RBFOX1: variants seen among roughly 807,000 people sequenced by gnomAD.
The protein encoded by RBFOX1 is RNA binding fox-1 homolog 1, also known as RNA binding protein fox-1 homolog 1.
A neutral mutation model predicts 57.7 loss-of-function variants in RBFOX1; 8 were observed. The ratio of observed to expected loss-of-function variants is 0.14; its 90% CI spans 0.08 to 0.25. The LOEUF (loss-of-function observed/expected upper bound fraction) is 0.25, where lower values mean the gene tolerates loss of function less well. RBFOX1 is among the 10% of genes least tolerant of loss of function. RBFOX1 has a pLI of 1.00. For missense variants in RBFOX1, 611 were observed against 548.5 expected, an observed-to-expected ratio of 1.11 and a Z score of -1.14; for synonymous variants, 326 against 222.4, an observed-to-expected ratio of 1.47 and a Z score of -4.15.
chr16:6,439,600 C>G (rs1033128572), intron 2 of RBFOX1, among the ~76,000 whole-genome samples: 2 of 152,136 alleles, frequency 1.3e-5, no homozygotes, highest in African/African-American at 4.8e-5. Flanking sequence ...TATACCCTTC[C>G]TGATTTCTTG....
rs530974417 is a variant in RBFOX1 at position 5,352,737 on chromosome 16, G to T, written c.219+112632G>T. On this transcript the variant is annotated intron_variant, in intron 1 of 2. Transcript: ENST00000585867. The stretch of plus-strand genomic sequence containing the variant: ...GTGGGGGGATTGCTTGAGCCCAGGA[G>T]TTTAAAATCAGCCTGGGCAACATGG... 2.0e-5 allele frequency among the ~76,000 whole-genome samples: 3 copies of T among 152,248 alleles called. 1 individual carries two copies. The South Asian group carries it at 6.2e-4, about 32-fold the overall frequency.
chr16:5,457,217 A>T lies in RBFOX1; in HGVS notation c.220-9999A>T, dbSNP rs142454895. On this transcript the variant is annotated intron_variant, in intron 1 of 2. Coordinates refer to the RBFOX1 transcript ENST00000585867. ...AGTGACATGATCTTGGCTCACTGCAACCTCTACCTCCCGGGTTCAAGATCC... is the reference window on the plus strand; with the variant it reads ...AGTGACATGATCTTGGCTCACTGCATCCTCTACCTCCCGGGTTCAAGATCC... 5.1e-3 allele frequency among the ~76,000 whole-genome samples: 767 copies of T among 151,696 alleles called. 6 individuals carry two copies. The highest frequency in any genetic ancestry group is 9.1e-3 in the Non-Finnish European group (619 of 67,894).
chr16:5,673,648 T>G (rs1400991171), intron 3 of RBFOX1, among the ~76,000 whole-genome samples: 1 of 152,226 alleles, frequency 6.6e-6, no homozygotes, highest in Non-Finnish European at 1.5e-5. Flanking sequence ...GAAGCCCACA[T>G]TGCAGTTCTT....
At chr16:7,526,300 T>A (rs1163637806) in intron 5 of RBFOX1, among the ~76,000 whole-genome samples, 1 of 152,176 alleles carries the variant, frequency 6.6e-6, no homozygotes, top group East Asian at 1.9e-4. Context: ...TCTTGACCAA[T>A]GGCTTAGAAT....
At chr16:5,990,399 A>G (rs2060371745) in intron 4 of RBFOX1, among the ~76,000 whole-genome samples, 1 of 152,242 alleles carries the variant, frequency 6.6e-6, no homozygotes. Flanking sequence ...CACTGGACAA[A>G]GCATTTCAAG....
intron 3 of RBFOX1, among the ~76,000 whole-genome samples, chr16:6,914,376 T>C (rs1052843261): frequency 4.6e-5 from 7 of 152,134 alleles, no homozygotes; most frequent in Admixed American, 2.0e-4. Context: ...AGTATTCTAC[T>C]TTTCATGATT....
chr16:7,482,481 T>G (rs1411915338), intron 4 of RBFOX1, among the ~76,000 whole-genome samples: 2 of 144,200 alleles, frequency 1.4e-5, no homozygotes, highest in East Asian at 4.7e-4. Flanking sequence ...TTGTTGTTGT[T>G]GTTGTTGTTG....
chr16:6,775,348 A>G (rs2154217894), intron 3 of RBFOX1, among the ~76,000 whole-genome samples: 1 of 151,032 alleles, frequency 6.6e-6, no homozygotes, highest in African/African-American at 2.4e-5. Context: ...AAAAAAAAAA[A>G]AAAAGTAGAC....
At chr16:6,937,569 C>A (rs56268269) in intron 3 of RBFOX1, among the ~76,000 whole-genome samples, 17,033 of 152,064 alleles carry the variant, frequency 0.11, 1,166 homozygotes, top group East Asian at 0.16. Context: ...TAGTTTCACA[C>A]ATTTTAGGGA....
chr16:5,664,890 C>T (rs1168434690), intron 3 of RBFOX1, among the ~76,000 whole-genome samples: 1 of 151,970 alleles, frequency 6.6e-6, no homozygotes, highest in Admixed American at 6.5e-5. Flanking sequence ...GCACACTTGG[C>T]CTCCTGCCCA....
chr16:6,985,169 T>C (rs1002865446), intron 3 of RBFOX1, among the ~76,000 whole-genome samples: 18 of 151,962 alleles, frequency 1.2e-4, no homozygotes, highest in Non-Finnish European at 2.1e-4. Flanking sequence ...TGTAGCATAG[T>C]ATGGTTTAAA....
intron 2 of RBFOX1, among the ~76,000 whole-genome samples, chr16:6,403,054 C>T (rs1246732575): frequency 1.3e-5 from 2 of 152,018 alleles, no homozygotes; most frequent in African/African-American, 4.8e-5. Context: ...GGCTTGGGTG[C>T]TGAGAGAGTC....
chr16:7,460,772 G>A (rs964495656), intron 4 of RBFOX1, among the ~76,000 whole-genome samples: 1 of 151,974 alleles, frequency 6.6e-6, no homozygotes, highest in African/African-American at 2.4e-5. Flanking sequence ...ATAAATAAAA[G>A]CTATTGTGTT....
chr16:5,644,711 A>C (rs779364476), intron 3 of RBFOX1, among the ~76,000 whole-genome samples: 1 of 152,338 alleles, frequency 6.6e-6, no homozygotes, highest in East Asian at 1.9e-4. Flanking sequence ...AACTGAGATC[A>C]TGTCCACAAA....
intron 1 of RBFOX1, among the ~76,000 whole-genome samples, chr16:6,128,829 G>C (rs2096608724): frequency 6.6e-6 from 1 of 152,206 alleles, no homozygotes; most frequent in Non-Finnish European, 1.5e-5. Context: ...AAGCAACCCA[G>C]AGTTGGGAGA....
intron 2 of RBFOX1, among the ~76,000 whole-genome samples, chr16:5,573,918 C>T (rs2046369254): frequency 1.3e-5 from 2 of 152,100 alleles, no homozygotes; most frequent in South Asian, 2.1e-4. Flanking sequence ...CGCGCCACTG[C>T]ACTCCAACCT....
At chr16:6,124,158 C>G (rs1454244258) in intron 1 of RBFOX1, among the ~76,000 whole-genome samples, 2 of 152,082 alleles carry the variant, frequency 1.3e-5, no homozygotes, top group Non-Finnish European at 1.5e-5. Flanking sequence ...CAGCATTTCA[C>G]TAAGAGGTAT....
intron 4 of RBFOX1, among the ~76,000 whole-genome samples, chr16:7,156,022 T>C (rs12596418): frequency 6.6e-6 from 1 of 151,508 alleles, no homozygotes; most frequent in South Asian, 2.1e-4. Context: ...CACTCACACA[T>C]ACACACACGC....
At chr16:7,600,043 C>T (rs2094928269) in intron 9 of RBFOX1, among the ~76,000 whole-genome samples, 1 of 152,138 alleles carries the variant, frequency 6.6e-6, no homozygotes, top group Admixed American at 6.5e-5. Flanking sequence ...CAAGTGGCAA[C>T]CAACTACAAT....
Sources: allele counts gnomAD v4.1 joint callset (sites outside exome capture counted in the v4.1 genomes callset), GRCh38; gene constraint gnomAD v4.1.1; transcripts MANE v1.5; gene names NCBI Gene and HGNC (gene_info 2026-07-23, HGNC 2026-07-21).